The following SAMD13 variants were observed in gnomAD, a reference collection of about 807,000 sequenced individuals.
SAMD13 encodes the protein sterile alpha motif domain containing 13.
A neutral mutation model predicts 12.4 loss-of-function variants in SAMD13; 9 were observed. The observed-to-expected ratio is 0.72, with a 90% CI of 0.44 to 1.26. The LOEUF is 1.26. SAMD13 is among the 50% of genes most tolerant of loss of function. SAMD13 has a pLI of 0.00. For missense variants in SAMD13, 84 were observed against 119.6 expected (o/e 0.70, Z 1.39); for synonymous variants, 46 against 45.4 (o/e 1.01, Z -0.05).
chr1:84,334,274 A>C (rs1679251465), intron 3 of SAMD13, among the ~76,000 whole-genome samples: 1 of 151,960 alleles, frequency 6.6e-6, no homozygotes, highest in Non-Finnish European at 1.5e-5. Flanking sequence ...TTCCTTGTTC[A>C]ATCTTGGGAG....
rs779346450 is a variant in SAMD13 at position 84,318,687 on chromosome 1, G to A, written c.54-6950G>A. On this transcript the variant is annotated intron_variant, in intron 2 of 3. Coordinates refer to ENST00000394834, the MANE Select transcript of SAMD13 (RefSeq NM_001134663.2). ...GGTTTCTTGAATATTGATAATATACGGGAATTAATAGTGATACTTGTAAAT... is the reference window on the plus strand; with the variant it reads ...GGTTTCTTGAATATTGATAATATACAGGAATTAATAGTGATACTTGTAAAT... Among the ~76,000 whole-genome samples the A allele has an allele frequency of 1.1e-3, 163 of 152,082 alleles. 1 individual carries two copies. The highest frequency in any genetic ancestry group is 3.4e-3 in the Middle Eastern group (1 of 294).
chr1:84,328,276 A>G (rs1203393312), intron 3 of SAMD13, among the ~76,000 whole-genome samples: 1 of 152,226 alleles, frequency 6.6e-6, no homozygotes, highest in Non-Finnish European at 1.5e-5. Context: ...ACTGGGAACC[A>G]TAATGGGAAT....
chr1:84,342,563 A>T (rs754722981), intron 3 of SAMD13, among the ~76,000 whole-genome samples: 1 of 152,150 alleles, frequency 6.6e-6, no homozygotes, highest in Non-Finnish European at 1.5e-5. Flanking sequence ...CACATCTACA[A>T]TCATCTGATC....
intron 3 of SAMD13, among the ~76,000 whole-genome samples, chr1:84,339,452 A>G (rs1010602065): frequency 2.0e-5 from 3 of 152,064 alleles, no homozygotes; most frequent in Non-Finnish European, 2.9e-5. Context: ...TAGGGGGACA[A>G]GGCTCAGCTT....
intron 3 of SAMD13, among the ~76,000 whole-genome samples, chr1:84,332,668 A>T (rs534611514): frequency 1.3e-5 from 2 of 152,092 alleles, no homozygotes; most frequent in Non-Finnish European, 2.9e-5. Context: ...ATTTTCTCCC[A>T]TTTTGTAGGT....
At chr1:84,309,691 A>G (rs564602436) in intron 2 of SAMD13, among the ~76,000 whole-genome samples, 4 of 152,318 alleles carry the variant, frequency 2.6e-5, no homozygotes, top group Admixed American at 6.5e-5. Flanking sequence ...AGAGTCTTCA[A>G]TAGTAATAAC....
chr1:84,311,477 G>A (rs1179665208), intron 2 of SAMD13, among the ~76,000 whole-genome samples: 2 of 152,080 alleles, frequency 1.3e-5, no homozygotes, highest in Admixed American at 1.3e-4. Flanking sequence ...AACGTGCATT[G>A]GCAAAGAACA....
intron 3 of SAMD13, among the ~76,000 whole-genome samples, chr1:84,343,982 A>G (rs1005582605): frequency 6.6e-6 from 1 of 151,978 alleles, no homozygotes; most frequent in Non-Finnish European, 1.5e-5. Flanking sequence ...GCCTAGTTTC[A>G]TCTCTATGAC....
intron 3 of SAMD13, among the ~76,000 whole-genome samples, chr1:84,339,326 TC>T (rs1679371786): frequency 6.6e-6 from 1 of 152,190 alleles, no homozygotes; most frequent in African/African-American, 2.4e-5. Context: ...GGCTCATTCT[TC>T]TTCAGTCTTT....
intron 3 of SAMD13, among the ~76,000 whole-genome samples, chr1:84,336,951 A>G (rs948927319): frequency 1.3e-5 from 2 of 152,360 alleles, no homozygotes; most frequent in East Asian, 1.9e-4. Context: ...AGCAAGTTCA[A>G]AATCCAGCAG....
At chr1:84,335,095 A>T (rs1252103890) in intron 3 of SAMD13, among the ~76,000 whole-genome samples, 1 of 152,080 alleles carries the variant, frequency 6.6e-6, no homozygotes, top group African/African-American at 2.4e-5. Context: ...CAAGTCCCGA[A>T]TATCTTAGTT....
intron 2 of SAMD13, among the ~76,000 whole-genome samples, chr1:84,312,258 A>C (rs896844892): frequency 1.3e-5 from 2 of 151,902 alleles, no homozygotes; most frequent in Non-Finnish European, 2.9e-5. Context: ...AACAAACAGC[A>C]TTTTTTTCTC....
intron 2 of SAMD13, chr1:84,303,584 C>G (rs2101785211): frequency 4.3e-6 from 1 of 233,378 alleles, no homozygotes; most frequent in East Asian, 8.8e-5. Flanking sequence ...ACAAAAACTC[C>G]AAGCAGAGAC....
chr1:84,343,665 C>T (rs934153528), intron 3 of SAMD13, among the ~76,000 whole-genome samples: 3 of 151,924 alleles, frequency 2.0e-5, no homozygotes, highest in African/African-American at 7.3e-5. Flanking sequence ...GAGAACACAT[C>T]GACACAGGGA....
chr1:84,321,762 T>C (rs1019752692), intron 2 of SAMD13, among the ~76,000 whole-genome samples: 7 of 152,204 alleles, frequency 4.6e-5, no homozygotes, highest in Admixed American at 2.0e-4. Context: ...TATCTTCCCA[T>C]GTCAAATGTT....
At chr1:84,307,328 A>AT (rs1678601510) in intron 2 of SAMD13, among the ~76,000 whole-genome samples, 1 of 152,146 alleles carries the variant, frequency 6.6e-6, no homozygotes, top group Non-Finnish European at 1.5e-5. Flanking sequence ...TGTCAATTCC[A>AT]CCAATGCATT....
intron 3 of SAMD13, among the ~76,000 whole-genome samples, chr1:84,344,309 AGT>A (rs1206905924): frequency 2.6e-5 from 4 of 152,148 alleles, no homozygotes; most frequent in Non-Finnish European, 5.9e-5. Flanking sequence ...TAAGCTGCTC[AGT>A]GTTGATTTTT....
rs1679609993 is a variant in SAMD13 at position 84,349,791 on chromosome 1, T to A, written c.*17T>A. On this transcript the variant is annotated 3_prime_UTR_variant, in exon 4 of 4. Coordinates refer to ENST00000394834, the MANE Select transcript of SAMD13 (RefSeq NM_001134663.2). ...TCTTCATAGTACAGTCAAATTGGGG[T>A]CTTCGACCTCAAAAAATACATAATG... 6.3e-7 allele frequency: 1 copy of A among 1,587,914 alleles called. No homozygotes were observed. Among genetic ancestry groups the A allele is most frequent in the African/African-American group, 1.4e-5 (1 of 73,382 alleles).
chr1:84,319,348 A>G (rs1319692798), intron 2 of SAMD13, among the ~76,000 whole-genome samples: 1 of 152,134 alleles, frequency 6.6e-6, no homozygotes, highest in East Asian at 1.9e-4. Flanking sequence ...GTTCTTGGCC[A>G]GGTGCAGTGG....
Sources: gnomAD v4.1 joint callset for allele counts (sites outside exome capture counted in the v4.1 genomes callset) on GRCh38, gnomAD v4.1.1 for gene constraint, MANE v1.5 for transcripts, NCBI Gene and HGNC (gene_info 2026-07-23, HGNC 2026-07-21) for gene names.